Variants in MAN2A1 observed in about 807,000 individuals in gnomAD.
MAN2A1 encodes mannosidase alpha class 2A member 1, also known as alpha-mannosidase 2.
A neutral mutation model predicts 142.6 loss-of-function variants in MAN2A1; 76 were observed. That is an observed-to-expected ratio of 0.53 (90% CI 0.44 to 0.65). The LOEUF (loss-of-function observed/expected upper bound fraction) is 0.65, where lower values mean the gene tolerates loss of function less well. Ranked by LOEUF, MAN2A1 falls within the 30% of genes least tolerant of loss-of-function variation. The pLI, the probability that MAN2A1 is intolerant of heterozygous loss-of-function variation, is 0.00. For synonymous variants in MAN2A1, 559 were observed against 473.2 expected, an observed-to-expected ratio of 1.18 and a Z score of -2.35; for missense variants, 1,311 against 1,365.1, an observed-to-expected ratio of 0.96 and a Z score of 0.62.
chr5:109,712,279 G>C (rs1040826766), intron 1 of MAN2A1, among the ~76,000 whole-genome samples: 1 of 151,832 alleles, frequency 6.6e-6, no homozygotes, highest in Admixed American at 6.6e-5. Context: ...GTGTTATATG[G>C]TCTTTCATAT....
chr5:109,772,794 G>C (rs1047518048), intron 7 of MAN2A1, among the ~76,000 whole-genome samples: 1 of 152,126 alleles, frequency 6.6e-6, no homozygotes, highest in Non-Finnish European at 1.5e-5. Context: ...ACAGGTATGA[G>C]CCACCATGCC....
intron 4 of MAN2A1, among the ~76,000 whole-genome samples, chr5:109,742,065 C>A (rs989969058): frequency 8.5e-5 from 13 of 152,062 alleles, no homozygotes; most frequent in Admixed American, 8.5e-4. Context: ...AAATGTGAAC[C>A]CTTATTGAGA....
At chr5:109,698,348 A>G (rs189594539) in intron 1 of MAN2A1, among the ~76,000 whole-genome samples, 1 of 152,290 alleles carries the variant, frequency 6.6e-6, no homozygotes, top group East Asian at 1.9e-4. Flanking sequence ...GCTAATTTTC[A>G]TCATTTTCTT....
At chr5:109,741,145 A>G (rs1225645224) in intron 4 of MAN2A1, among the ~76,000 whole-genome samples, 1 of 152,148 alleles carries the variant, frequency 6.6e-6, no homozygotes, top group Non-Finnish European at 1.5e-5. Flanking sequence ...ATTGGAAAAT[A>G]TTCTGGAATA....
intron 19 of MAN2A1, among the ~76,000 whole-genome samples, chr5:109,849,759 C>T (rs977228479): frequency 1.3e-5 from 2 of 151,808 alleles, no homozygotes; most frequent in East Asian, 3.9e-4. Flanking sequence ...CCTGTTGAAC[C>T]CTCTGATATC....
intron 5 of MAN2A1, among the ~76,000 whole-genome samples, chr5:109,763,427 TCTTTGTATTGTAG>T (rs1752905443): frequency 6.6e-6 from 1 of 152,122 alleles, no homozygotes; most frequent in South Asian, 2.1e-4. Flanking sequence ...ATATGACATT[TCTTTGTATTGTAG>T]CTTTGGCTGC....
Position 109,690,199 on chromosome 5 carries a change from C to G in MAN2A1, c.-219C>G. 1 of 520,172 alleles carries G rather than the reference C, an allele frequency of 1.9e-6. No individual in the cohort carries two copies. The highest frequency in any genetic ancestry group is 3.5e-6 in the Non-Finnish European group (1 of 289,264). The allele number at this position is 520,172 out of a possible 1,614,324, so 32.2% of individuals were successfully genotyped here. On this transcript the variant is annotated 5_prime_UTR_variant, in exon 1 of 22. Transcript: ENST00000261483. Reference sequence around the variant, plus strand: ...CGAGTCTCGCCTCGAGAGGGGCGCCCGACCCCGGGGAGGGCGGCAGGCCAG... The same window carrying G: ...CGAGTCTCGCCTCGAGAGGGGCGCCGGACCCCGGGGAGGGCGGCAGGCCAG...
chr5:109,783,635 T>C (rs1753518966), intron 9 of MAN2A1, among the ~76,000 whole-genome samples: 2 of 152,130 alleles, frequency 1.3e-5, no homozygotes, highest in African/African-American at 4.8e-5. Context: ...TTCTGAATCT[T>C]GATAACATTT....
intron 12 of MAN2A1, among the ~76,000 whole-genome samples, chr5:109,802,847 CA>C (rs1192006206): frequency 6.6e-6 from 1 of 151,862 alleles, no homozygotes; most frequent in Non-Finnish European, 1.5e-5. Flanking sequence ...TTCATTTTTT[CA>C]AAAGATTTAT....
chr5:109,850,075 C>T (rs11952363), intron 19 of MAN2A1, among the ~76,000 whole-genome samples: 3,174 of 152,284 alleles, frequency 0.021, 115 homozygotes, highest in African/African-American at 0.072. Flanking sequence ...CCAAACTGTG[C>T]ATCTCACCTT....
intron 18 of MAN2A1, 76 bp from the exon 19 acceptor site, chr5:109,847,581 A>C: frequency 7.8e-7 from 1 of 1,289,660 alleles, no homozygotes; most frequent in East Asian, 3.0e-5. Context: ...CATGACTGCT[A>C]CTTAAGTGAT....
chr5:109,718,451 A>T (rs1014552716), intron 3 of MAN2A1, among the ~76,000 whole-genome samples: 1 of 152,196 alleles, frequency 6.6e-6, no homozygotes, highest in African/African-American at 2.4e-5. Context: ...ATGATTCACG[A>T]TGAAGGTGTT....
At chr5:109,713,043 A>T (rs374237064) in intron 1 of MAN2A1, among the ~76,000 whole-genome samples, 1 of 152,154 alleles carries the variant, frequency 6.6e-6, no homozygotes, top group South Asian at 2.1e-4. Context: ...TTTTCCATAG[A>T]TGATATTTCT....
chr5:109,793,665 T>A (rs180949750), intron 12 of MAN2A1, among the ~76,000 whole-genome samples: 30 of 152,252 alleles, frequency 2.0e-4, no homozygotes, highest in South Asian at 1.0e-3. Context: ...TAACTGTCCA[T>A]TTAAGATTTT....
chr5:109,777,084 G>T (rs1409500189), intron 8 of MAN2A1, among the ~76,000 whole-genome samples: 1 of 152,074 alleles, frequency 6.6e-6, no homozygotes, highest in African/African-American at 2.4e-5. Context: ...TTGGTTACTT[G>T]TTATGAGTTT....
intron 4 of MAN2A1, among the ~76,000 whole-genome samples, chr5:109,733,788 A>G (rs1200652626): frequency 1.3e-5 from 2 of 152,164 alleles, no homozygotes; most frequent in Non-Finnish European, 2.9e-5. Flanking sequence ...GGATTTTTGC[A>G]TCATTGTTCA....
intron 12 of MAN2A1, among the ~76,000 whole-genome samples, chr5:109,799,582 C>T (rs897365167): frequency 6.6e-6 from 1 of 151,668 alleles, no homozygotes; most frequent in Admixed American, 6.6e-5. Context: ...TGGAGAAACC[C>T]CATCTCTACT....
chr5:109,844,640 C>T (rs2112760841), intron 17 of MAN2A1, among the ~76,000 whole-genome samples: 1 of 152,260 alleles, frequency 6.6e-6, no homozygotes, highest in African/African-American at 2.4e-5. Flanking sequence ...GCCATATTCC[C>T]TCCAAAAGCT....
chr5:109,773,329 G>T (rs531007254), intron 7 of MAN2A1, among the ~76,000 whole-genome samples: 1 of 152,050 alleles, frequency 6.6e-6, no homozygotes, highest in African/African-American at 2.4e-5. Flanking sequence ...CTTTATATGT[G>T]CTTTACACAT....
Sources: allele counts gnomAD v4.1 joint callset (sites outside exome capture counted in the v4.1 genomes callset), GRCh38; gene constraint gnomAD v4.1.1; transcripts MANE v1.5; gene names NCBI Gene and HGNC (gene_info 2026-07-23, HGNC 2026-07-21).